Variants in ADGRV1 observed in about 807,000 individuals in gnomAD.
ADGRV1 encodes G-protein coupled receptor 98.
ADGRV1 carries 359 observed loss-of-function variants against 596.2 expected under a neutral mutation model. The observed-to-expected ratio is 0.60, with a 90% confidence interval of 0.55 to 0.66. The LOEUF (loss-of-function observed/expected upper bound fraction) is 0.66, where lower values mean the gene tolerates loss of function less well. Ranked by LOEUF, ADGRV1 falls within the 30% of genes least tolerant of loss-of-function variation. The pLI, the probability that ADGRV1 is intolerant of heterozygous loss-of-function variation, is 0.00. For synonymous variants in ADGRV1, 2,681 were observed against 2,679.2 expected (o/e 1.00, Z -0.02); for missense variants, 7,274 against 7,575.6 (o/e 0.96, Z 1.48).
At chr5:90,624,312 C>G (rs1764465171) in intron 5 of ADGRV1, among the ~76,000 whole-genome samples, 1 of 152,098 alleles carries the variant, frequency 6.6e-6, no homozygotes, top group Non-Finnish European at 1.5e-5. Flanking sequence ...GAAAATTTTT[C>G]TGATAAATAT....
intron 85 of ADGRV1, among the ~76,000 whole-genome samples, chr5:91,011,902 A>G (rs959515036): frequency 6.6e-6 from 1 of 151,918 alleles, no homozygotes; most frequent in East Asian, 1.9e-4. Context: ...AATGAGCTAC[A>G]ATCTCCTTCA....
At chr5:90,891,572 A>G (rs1417097249) in intron 83 of ADGRV1, among the ~76,000 whole-genome samples, 1 of 151,992 alleles carries the variant, frequency 6.6e-6, no homozygotes, top group African/African-American at 2.4e-5. Context: ...AGGTACTGAT[A>G]ATCATCTCAT....
intron 50 of ADGRV1, among the ~76,000 whole-genome samples, chr5:90,742,499 T>C (rs1474032213): frequency 1.3e-5 from 2 of 152,146 alleles, no homozygotes; most frequent in Non-Finnish European, 2.9e-5. Context: ...ACTGAAGATG[T>C]AATCAGATAG....
intron 49 of ADGRV1, among the ~76,000 whole-genome samples, chr5:90,729,415 C>T (rs1172216744): frequency 1.3e-5 from 2 of 152,060 alleles, no homozygotes; most frequent in African/African-American, 2.4e-5. Flanking sequence ...TGTCCTTGTT[C>T]TTTCTTTAAC....
Position 90,610,783 on chromosome 5 carries a change from C to T in ADGRV1, c.23-4052C>T, listed in dbSNP as rs536124423. On this transcript the variant is annotated intron_variant, in intron 1 of 89. Coordinates refer to ENST00000405460, the MANE Select transcript of ADGRV1 (RefSeq NM_032119.4). ...AACCCAAGCCAGCTAGAGCACAAAACGTAATTTATTGTCTCAGAAACTGAA... is the reference window on the plus strand; with the variant it reads ...AACCCAAGCCAGCTAGAGCACAAAATGTAATTTATTGTCTCAGAAACTGAA... Among the ~76,000 whole-genome samples, 11 of 152,022 alleles carry T rather than the reference C, an allele frequency of 7.2e-5. No individual in the cohort carries two copies. In the East Asian group the frequency reaches 1.7e-3, roughly 24 times the overall value.
chr5:90,686,187 G>A (rs1745617255), intron 29 of ADGRV1, among the ~76,000 whole-genome samples, 192 bp downstream of exon 29: 1 of 150,882 alleles, frequency 6.6e-6, no homozygotes, highest in Admixed American at 6.6e-5. Context: ...AGTCTCGCTT[G>A]ATTTTACAAT....
rs149458419 is a variant in ADGRV1, at chr5:90,735,450, T to C, written c.10549+5686T>C. Reference sequence around the variant, plus strand: ...TTTTGAAGTCAGGTAGTGTGATGCATCCAGCCTTGTTCTTTTTGCTTGAGA... The same window carrying C: ...TTTTGAAGTCAGGTAGTGTGATGCACCCAGCCTTGTTCTTTTTGCTTGAGA... On this transcript the variant is annotated intron_variant, in intron 50 of 89. Transcript: ENST00000405460. 1.8e-3 allele frequency among the ~76,000 whole-genome samples: 276 copies of C among 152,312 alleles called. 3 individuals are homozygous for C. Among genetic ancestry groups the C allele is most frequent in the East Asian group, 1.2e-3 (6 of 5,186 alleles).
chr5:91,104,860 C>CTTTTTTTTTTT (rs60957930), intron 87 of ADGRV1, among the ~76,000 whole-genome samples: 9 of 125,990 alleles, frequency 7.1e-5, no homozygotes, highest in Non-Finnish European at 1.5e-4. Flanking sequence ...CTTTTCTTTT[C>CTTTTTTTTTTT]TTTTTTTTTT....
chr5:90,973,321 A>G (rs556270640), intron 84 of ADGRV1, among the ~76,000 whole-genome samples: 1 of 152,242 alleles, frequency 6.6e-6, no homozygotes, highest in Non-Finnish European at 1.5e-5. Context: ...CAATCAACAG[A>G]AAAAGAGGGA....
At chr5:90,826,841 A>G (rs781192100) in intron 76 of ADGRV1, among the ~76,000 whole-genome samples, 12 of 152,166 alleles carry the variant, frequency 7.9e-5, no homozygotes, top group Non-Finnish European at 1.3e-4. Flanking sequence ...TCATCTCTAC[A>G]GTTTTTCAAT....
intron 77 of ADGRV1, among the ~76,000 whole-genome samples, chr5:90,832,197 G>T (rs970820819): frequency 1.3e-5 from 2 of 152,082 alleles, no homozygotes; most frequent in African/African-American, 4.8e-5. Context: ...CATAGTGGTT[G>T]TACTAATTTA....
chr5:90,869,665 C>T (rs754637322), intron 83 of ADGRV1, among the ~76,000 whole-genome samples: 5 of 152,052 alleles, frequency 3.3e-5, no homozygotes, highest in African/African-American at 4.8e-5. Context: ...TAAATTTCTG[C>T]ACTTTTCTTG....
At chr5:90,760,812 CTA>C (rs1198115487) in intron 58 of ADGRV1, among the ~76,000 whole-genome samples, 3 of 152,130 alleles carry the variant, frequency 2.0e-5, no homozygotes, top group African/African-American at 7.2e-5. Flanking sequence ...ATCATGAAAA[CTA>C]AGTATTTGTG....
At chr5:90,642,211 A>G (rs1270297467) in intron 11 of ADGRV1, among the ~76,000 whole-genome samples, 2 of 152,206 alleles carry the variant, frequency 1.3e-5, no homozygotes, top group Non-Finnish European at 2.9e-5. Context: ...ATGAGTTTTA[A>G]AAATAAATTC....
At chr5:91,151,017 T>G (rs921364988) in intron 88 of ADGRV1, among the ~76,000 whole-genome samples, 3 of 152,204 alleles carry the variant, frequency 2.0e-5, no homozygotes, top group Non-Finnish European at 2.9e-5. Flanking sequence ...CATTTTTTTA[T>G]AAGCTCATAT....
intron 86 of ADGRV1, among the ~76,000 whole-genome samples, chr5:91,084,714 C>T (rs544657676): frequency 2.0e-5 from 3 of 152,242 alleles, no homozygotes; most frequent in South Asian, 2.1e-4. Flanking sequence ...TTTGACCCAG[C>T]GATCCCATTA....
chr5:90,601,832 C>T (rs1346599734), intron 1 of ADGRV1, among the ~76,000 whole-genome samples: 1 of 152,078 alleles, frequency 6.6e-6, no homozygotes, highest in East Asian at 1.9e-4. Flanking sequence ...AAGTGGTTTG[C>T]AAGTGATACT....
chr5:90,680,452 G>A (rs919770346), intron 26 of ADGRV1, among the ~76,000 whole-genome samples: 2 of 152,078 alleles, frequency 1.3e-5, no homozygotes, highest in Admixed American at 1.3e-4. Flanking sequence ...ATATTGAAAA[G>A]AGGATGCCTT....
chr5:90,665,920 G>C (rs1261360780), intron 21 of ADGRV1, among the ~76,000 whole-genome samples: 1 of 147,578 alleles, frequency 6.8e-6, no homozygotes, highest in Non-Finnish European at 1.5e-5. Flanking sequence ...GTAGTTGAGC[G>C]GTTTTGAGTG....
Sources: gnomAD v4.1 joint callset for allele counts (sites outside exome capture counted in the v4.1 genomes callset) on GRCh38, gnomAD v4.1.1 for gene constraint, MANE v1.5 for transcripts, NCBI Gene and HGNC (gene_info 2026-07-23, HGNC 2026-07-21) for gene names.